CEP164: variants seen among roughly 807,000 people sequenced by gnomAD.
CEP164 encodes the protein centrosomal protein of 164 kDa.
Under a neutral mutation model 182.7 loss-of-function variants are expected in CEP164, and 162 were observed. That is an observed-to-expected ratio of 0.89 (90% CI 0.78 to 1.01). The LOEUF (loss-of-function observed/expected upper bound fraction) is 1.01. Ranked by LOEUF, CEP164 falls within the 50% of genes least tolerant of loss-of-function variation. The pLI is 0.00. For synonymous variants in CEP164, 661 were observed against 690.0 expected, an observed-to-expected ratio of 0.96 and a Z score of 0.66; for missense variants, 1,735 against 1,790.4, an observed-to-expected ratio of 0.97 and a Z score of 0.56.
intron 25 of CEP164, among the ~76,000 whole-genome samples, 159 bp from the exon 26 acceptor site, chr11:117,396,391 G>C (rs1333472576): frequency 6.6e-6 from 1 of 152,200 alleles, no homozygotes; most frequent in Admixed American, 6.5e-5. Context: ...CCAGCTACCA[G>C]TCGTCTCCAC....
chr11:117,332,738 C>A (rs2036422067), intron 1 of CEP164, among the ~76,000 whole-genome samples: 1 of 152,052 alleles, frequency 6.6e-6, no homozygotes, highest in Non-Finnish European at 1.5e-5. Flanking sequence ...TCCTTTTTTG[C>A]CTGATTCTGA....
chr11:117,354,021 T>TCTC (rs1018876384), intron 5 of CEP164, among the ~76,000 whole-genome samples: 11 of 149,088 alleles, frequency 7.4e-5, no homozygotes, highest in Non-Finnish European at 1.6e-4. Flanking sequence ...TTCTTCTTCT[T>TCTC]CTTTTTTTTT....
At chr11:117,383,010 C>T in intron 14 of CEP164, 68 bp downstream of exon 14, 2 of 1,537,742 alleles carry the variant, frequency 1.3e-6, no homozygotes, top group African/African-American at 1.4e-5. Context: ...TGCCTATTCA[C>T]TCTTGGGTGG....
At chr11:117,334,753 C>A (rs1233957816) in intron 1 of CEP164, among the ~76,000 whole-genome samples, 1 of 140,228 alleles carries the variant, frequency 7.1e-6, no homozygotes, top group African/African-American at 2.7e-5. Context: ...CCACTGCACT[C>A]CAGCCTGGGT....
chr11:117,394,296 TGTG>T lies in CEP164; in HGVS notation c.2617-51_2617-49del. 1 of 1,554,130 alleles carries T rather than the reference TGTG, an allele frequency of 6.4e-7. No homozygotes were observed. Among genetic ancestry groups the T allele is most frequent in the Non-Finnish European group, 8.7e-7 (1 of 1,148,252 alleles). ...GCAGGGCTAGGGGAGCTGTGATTTT[TGTG>T]GTAGAAGGGGCTGCCGCAGCTTCCC... On this transcript the variant is annotated intron_variant, in intron 20 of 32. Transcript: ENST00000278935. This position sits in a 1 kb window ranked among gnomAD's most constrained non-coding sequence, Gnocchi z 4.0.
In CEP164 at chr11:117,373,824, A is replaced by G. The variant is rs747489061; in HGVS notation, c.1226A>G (p.His409Arg). Residue 409 changes from histidine to arginine, a missense_variant, in exon 10 of 33, where the codon CAT (histidine) becomes CGT (arginine). Physicochemically the swap from His to Arg is conservative, Grantham distance 29. Coordinates refer to ENST00000278935, the MANE Select transcript of CEP164 (RefSeq NM_014956.5). The part of the protein sequence containing the change: ...DSIASDPKSF[H>R]GLDFGFRSRI... ...ATAGCTTCTGACCCCAAGTCCTTCC[A>G]TGGCCTGGTGAGTTTGAGATGAGGG... The G allele has an allele frequency of 3.7e-6, 6 of 1,613,860 alleles. No homozygotes were observed. The highest frequency in any genetic ancestry group is 3.3e-5 in the Admixed American group (2 of 59,988).
At position 117,390,880 on chromosome 11, in the gene CEP164, A is replaced by G; in HGVS notation, c.2038A>G (p.Ser680Gly). ...LSWLRAQVQS[S>G]TQADEDQIRA... is the part of the protein sequence containing the mutation. ...CTGGCTCCGAGCTCAGGTCCAGTCC[A>G]GCACACAAGCAGATGAGGACCAAAT... Residue 680 changes from serine to glycine, a missense_variant, in exon 16 of 33, where the codon AGC (serine) becomes GGC (glycine). By Grantham distance (56) the Ser-to-Gly change is moderately conservative. Transcript: ENST00000278935. 1 of 1,613,912 alleles carries G rather than the reference A, an allele frequency of 6.2e-7. No homozygotes were observed. Among genetic ancestry groups the G allele is most frequent in the Non-Finnish European group, 8.5e-7 (1 of 1,180,004 alleles).
chr11:117,327,504 G>T (rs1194850512), upstream of CEP164, among the ~76,000 whole-genome samples: 1 of 118,834 alleles, frequency 8.4e-6, no homozygotes, highest in African/African-American at 3.3e-5. Context: ...GTTTCACCAT[G>T]TTGGTCAGGC....
rs1384242897 is a variant in CEP164, at chr11:117,380,610, A to G, written c.1318-4A>G. ...ACAAACTTTTTATTGCTTCTCTCCT[A>G]CAGGCCCAGCAACCACTGGGAATAG... is the stretch of plus-strand genomic sequence containing the variant. On this transcript the variant is annotated splice_polypyrimidine_tract_variant and splice_region_variant and intron_variant, in intron 11 of 32. Transcript: ENST00000278935. The G allele has an allele frequency of 6.3e-7, 1 of 1,593,594 alleles. No individual in the cohort carries two copies. The highest frequency in any genetic ancestry group is 8.6e-7 in the Non-Finnish European group (1 of 1,169,406).
chr11:117,331,645 A>G (rs1591938485), intron 1 of CEP164, among the ~76,000 whole-genome samples: 1 of 152,118 alleles, frequency 6.6e-6, no homozygotes, highest in African/African-American at 2.4e-5. Flanking sequence ...TACTTTGACC[A>G]CTATGCCGCC....
At chr11:117,358,117 C>T (rs942626253) in intron 5 of CEP164, among the ~76,000 whole-genome samples, 1 of 152,206 alleles carries the variant, frequency 6.6e-6, no homozygotes, top group African/African-American at 2.4e-5. Context: ...TTAATAACTA[C>T]TGTAGCACTA....
intron 27 of CEP164, among the ~76,000 whole-genome samples, chr11:117,400,008 A>G (rs1255041065): frequency 6.6e-6 from 1 of 152,098 alleles, no homozygotes; most frequent in African/African-American, 2.4e-5. Context: ...TCATTTGTCA[A>G]TTTTGGCTTT....
rs1190275908 is a variant in CEP164 at position 117,392,566 on chromosome 11, T to G, written c.2432T>G (p.Leu811Arg). ...GAGGAGGCCCAGCTGCAGAAGTGCCTTGGGCAAGTGGAGCACAGAGTTCAC... is the reference window on the plus strand; with the variant it reads ...GAGGAGGCCCAGCTGCAGAAGTGCCGTGGGCAAGTGGAGCACAGAGTTCAC... ...QKEEAQLQKC[L>R]GQVEHRVHQK... The change falls in exon 19 of 33, where the codon CTT (leucine) becomes CGT (arginine). Residue 811 changes from leucine (L) to arginine (R), a missense_variant. Leu to Arg is a moderately radical substitution (Grantham distance 102). Coordinates refer to ENST00000278935, the MANE Select transcript of CEP164 (RefSeq NM_014956.5). 6.2e-7 allele frequency: 1 copy of G among 1,614,054 alleles called. No individual in the cohort carries two copies. The highest frequency in any genetic ancestry group is 8.5e-7 in the Non-Finnish European group (1 of 1,180,042).
intron 3 of CEP164, among the ~76,000 whole-genome samples, chr11:117,340,864 C>T (rs1259670637): frequency 6.6e-6 from 1 of 152,132 alleles, no homozygotes; most frequent in Non-Finnish European, 1.5e-5. Context: ...GACGGAGTCT[C>T]ACTTTGTCGC....
At chr11:117,386,795 C>T (rs1446558366) in intron 14 of CEP164, 1 of 201,422 alleles carries the variant, frequency 5.0e-6, no homozygotes. Flanking sequence ...TGGCATGAGC[C>T]TTAAGTAGCA....
In CEP164 at chr11:117,382,859, G is replaced by C. The variant is rs774384186; in HGVS notation, c.1641G>C (p.Glu547Asp). 1 of 1,614,142 alleles carries C rather than the reference G, an allele frequency of 6.2e-7. No individual in the cohort carries two copies. The highest frequency in any genetic ancestry group is 8.5e-7 in the Non-Finnish European group (1 of 1,180,022). Reference sequence around the variant, plus strand: ...GCAAGGAGCAGCATTCCCAGGCCGAGGAGCTGGGCCCTGGGCAGGAAGAGG... The same window carrying C: ...GCAAGGAGCAGCATTCCCAGGCCGACGAGCTGGGCCCTGGGCAGGAAGAGG... ...EKGKEQHSQA[E>D]ELGPGQEEAE... The change falls in exon 14 of 33, where the codon GAG becomes GAC. Residue 547 changes from glutamate (E) to aspartate (D), a missense_variant. Physicochemically the swap from Glu to Asp is conservative, Grantham distance 45. Transcript: ENST00000278935.
Position 117,408,953 on chromosome 11 carries a change from G to C in CEP164, c.3673G>C (p.Asp1225His). The change falls in exon 29 of 33, where the codon GAC (aspartate) becomes CAC (histidine). Residue 1225 changes from aspartate to histidine, a missense_variant. Coordinates refer to ENST00000278935, the MANE Select transcript of CEP164 (RefSeq NM_014956.5). ...GAAGGCAGTAACCTTCGACCTCAGTGACATGGACAGCCTGAGCAGTGAAAG... is the reference window on the plus strand; with the variant it reads ...GAAGGCAGTAACCTTCGACCTCAGTCACATGGACAGCCTGAGCAGTGAAAG... ...TKKAVTFDLS[D>H]MDSLSSESSE... 6.2e-7 allele frequency: 1 copy of C among 1,614,126 alleles called. No individual in the cohort carries two copies.
At chr11:117,361,442 A>C (rs1264805353) in intron 5 of CEP164, among the ~76,000 whole-genome samples, 1 of 151,630 alleles carries the variant, frequency 6.6e-6, no homozygotes, top group East Asian at 1.9e-4. Context: ...GGGTTTCACC[A>C]TATTGGCCAG....
intron 3 of CEP164, among the ~76,000 whole-genome samples, chr11:117,340,912 C>A (rs1377881220): frequency 6.6e-6 from 1 of 152,194 alleles, no homozygotes; most frequent in Non-Finnish European, 1.5e-5. Context: ...CGGCTCGCTG[C>A]AACCTCCAGG....
Sources: gnomAD v4.1 joint callset for allele counts (sites outside exome capture counted in the v4.1 genomes callset) on GRCh38, gnomAD v4.1.1 for gene constraint, Gnocchi (gnomAD v3.1) non-coding constraint, MANE v1.5 for transcripts, NCBI Gene and HGNC (gene_info 2026-07-23, HGNC 2026-07-21) for gene names.